MPDZ: variants seen among roughly 807,000 people sequenced by gnomAD.
MPDZ encodes the protein multiple PDZ domain crumbs cell polarity complex component, also known as multiple PDZ domain protein.
A neutral mutation model predicts 239.1 loss-of-function variants in MPDZ; 234 were observed. The ratio of observed to expected loss-of-function variants is 0.98; its 90% CI spans 0.88 to 1.09. The LOEUF is 1.09. MPDZ is among the 50% of genes least tolerant of loss of function. The probability of loss-of-function intolerance (pLI) is 0.00; values close to 1 mark genes in which losing one functional copy is unlikely to be tolerated. For synonymous variants in MPDZ, 1,048 were observed against 881.3 expected (o/e 1.19, Z -3.35); for missense variants, 3,175 against 2,510.0 (o/e 1.26, Z -5.66).
At position 13,224,508 on chromosome 9, in the gene MPDZ, T is replaced by C. The variant is rs749077781; in HGVS notation, c.259A>G (p.Thr87Ala). ...AATAAAAACGATTCATTTTGCAGAG[T>C]AGGAATCACAGCTGGGCTGAGATGA... ...VPHLSPAVIP[T>A]LQNESFLLSP... is the part of the protein sequence containing the mutation. Residue 87 changes from threonine to alanine, a missense_variant, in exon 4 of 47, where the codon ACT becomes GCT. By Grantham distance (58) the Thr-to-Ala change is moderately conservative. Coordinates refer to ENST00000319217, the MANE Select transcript of MPDZ (RefSeq NM_001378778.1). 2.5e-6 allele frequency: 4 copies of C among 1,612,774 alleles called. No individual in the cohort carries two copies. The highest frequency in any genetic ancestry group is 1.7e-5 in the Admixed American group (1 of 59,826).
At chr9:13,114,485 T>C (rs953921400) in intron 40 of MPDZ, among the ~76,000 whole-genome samples, 1 of 152,218 alleles carries the variant, frequency 6.6e-6, no homozygotes, top group African/African-American at 2.4e-5. Context: ...CAAGAGGTCT[T>C]GTCAAGAGTC....
chr9:13,156,468 T>C (rs1461988645), intron 24 of MPDZ, among the ~76,000 whole-genome samples: 1 of 152,190 alleles, frequency 6.6e-6, no homozygotes, highest in Admixed American at 6.6e-5. Context: ...ACATCTTATG[T>C]GGATGGCAGC....
At chr9:13,217,930 T>C (rs1034177460) in intron 8 of MPDZ, among the ~76,000 whole-genome samples, 3 of 151,858 alleles carry the variant, frequency 2.0e-5, no homozygotes, top group Non-Finnish European at 4.4e-5. Flanking sequence ...ACAAATTCTA[T>C]GTTGGACTGA....
intron 34 of MPDZ, among the ~76,000 whole-genome samples, chr9:13,126,144 G>T (rs1184604964): frequency 1.3e-5 from 2 of 152,176 alleles, no homozygotes; most frequent in African/African-American, 2.4e-5. Context: ...GTATTTAATG[G>T]TTGAGTCTTA....
chr9:13,151,089 AG>A (rs1366224600), intron 24 of MPDZ, among the ~76,000 whole-genome samples: 2 of 152,070 alleles, frequency 1.3e-5, no homozygotes, highest in African/African-American at 4.8e-5. Context: ...ACAAATCAAA[AG>A]CACAGTAAGA....
intron 24 of MPDZ, among the ~76,000 whole-genome samples, chr9:13,155,350 T>C (rs1040284695): frequency 1.3e-5 from 2 of 152,184 alleles, no homozygotes; most frequent in African/African-American, 4.8e-5. Flanking sequence ...TAAATTTTCA[T>C]GTGTAAGTAT....
intron 3 of MPDZ, among the ~76,000 whole-genome samples, chr9:13,244,151 G>A (rs1456677237): frequency 3.3e-5 from 5 of 152,118 alleles, no homozygotes; most frequent in Non-Finnish European, 5.9e-5. Context: ...AGTGCCACTG[G>A]TCAATTCTTA....
At chr9:13,257,252 C>T (rs78608331) in intron 1 of MPDZ, among the ~76,000 whole-genome samples, 2,473 of 152,260 alleles carry the variant, frequency 0.016, 30 homozygotes, top group Middle Eastern at 0.031. Context: ...AGTTTATACA[C>T]GTTCCATCAT....
chr9:13,137,417 G>A (rs112838119), intron 29 of MPDZ, among the ~76,000 whole-genome samples: 14 of 152,292 alleles, frequency 9.2e-5, no homozygotes, highest in African/African-American at 1.9e-4. Context: ...ATAAAATCAT[G>A]TGGATCCCAG....
intron 19 of MPDZ, among the ~76,000 whole-genome samples, chr9:13,180,954 T>C (rs10960965): frequency 0.083 from 12,625 of 152,220 alleles, 933 homozygotes; most frequent in African/African-American, 0.2. Context: ...CTTTGGTGTT[T>C]AGGCTGCCCT....
At chr9:13,125,593 T>C (rs975964904) in intron 34 of MPDZ, among the ~76,000 whole-genome samples, 1 of 152,132 alleles carries the variant, frequency 6.6e-6, no homozygotes, top group African/African-American at 2.4e-5. Flanking sequence ...TGATGTAGAT[T>C]AGGGCCATGG....
At chr9:13,188,554 A>G (rs1345056992) in intron 17 of MPDZ, among the ~76,000 whole-genome samples, 1 of 152,040 alleles carries the variant, frequency 6.6e-6, no homozygotes, top group African/African-American at 2.4e-5. Flanking sequence ...AAGTGAACCA[A>G]AGACCAGTAA....
intron 31 of MPDZ, 66 bp from the exon 32 acceptor site, chr9:13,133,970 T>TG: frequency 1.4e-6 from 1 of 730,060 alleles, no homozygotes; most frequent in South Asian, 4.1e-5. Flanking sequence ...TGTTTAAATA[T>TG]AAAGGCCACT....
chr9:13,183,045 T>C (rs1265350995), intron 19 of MPDZ, among the ~76,000 whole-genome samples: 5 of 152,158 alleles, frequency 3.3e-5, no homozygotes, highest in Admixed American at 2.6e-4. Context: ...CAACTTTGCA[T>C]AGAAGTCAGT....
At position 13,173,468 on chromosome 9, in the gene MPDZ, G is replaced by T. The variant is rs769474928; in HGVS notation, c.3055+2284C>A. 4.0e-4 allele frequency among the ~76,000 whole-genome samples: 60 copies of T among 151,856 alleles called. 1 individual carries two copies. Among genetic ancestry groups the T allele is most frequent in the Non-Finnish European group, 3.7e-4 (25 of 67,952 alleles). On this transcript the variant is annotated intron_variant, in intron 21 of 46. Coordinates refer to ENST00000319217, the MANE Select transcript of MPDZ (RefSeq NM_001378778.1). ...CTGTAATCCTAGCACTTTGGGAGGC[G>T]GAGATGGGTGGATTGCCTGAGCTCA...
At chr9:13,257,119 C>T (rs1310637272) in intron 1 of MPDZ, among the ~76,000 whole-genome samples, 1 of 152,172 alleles carries the variant, frequency 6.6e-6, no homozygotes, top group Admixed American at 6.5e-5. Flanking sequence ...GGCCATATCA[C>T]TATTTGGTTA....
rs1944028366 is a variant in MPDZ, at chr9:13,119,622, G to A, written c.5259C>T (p.Asp1753=). ...KRNDTGVFVS[D]IVKGGIADAD... ...CATCTGCAATTCCTCCTTTGACAAT[G>A]TCTGACACAAATACTCCAGTATCGT... is the stretch of plus-strand genomic sequence containing the variant. Residue 1753 remains aspartate (D), a synonymous_variant, in exon 39 of 47, where the codon GAC becomes GAT. Transcript: ENST00000319217. The A allele has an allele frequency of 1.9e-6, 3 of 1,613,914 alleles. No homozygotes were observed. Among genetic ancestry groups the A allele is most frequent in the Non-Finnish European group, 2.5e-6 (3 of 1,179,864 alleles).
intron 32 of MPDZ, among the ~76,000 whole-genome samples, chr9:13,127,096 T>C (rs572158949): frequency 6.6e-6 from 1 of 152,204 alleles, no homozygotes; most frequent in Non-Finnish European, 1.5e-5. Flanking sequence ...ATTTACAAAT[T>C]TTGTCTAATG....
At chr9:13,131,391 T>C (rs1332335988) in intron 32 of MPDZ, among the ~76,000 whole-genome samples, 2 of 152,220 alleles carry the variant, frequency 1.3e-5, no homozygotes, top group African/African-American at 4.8e-5. Context: ...TTTCATTTAA[T>C]CCTTCCAATA....
Sources: gnomAD v4.1 joint callset for allele counts (sites outside exome capture counted in the v4.1 genomes callset) on GRCh38, gnomAD v4.1.1 for gene constraint, MANE v1.5 for transcripts, NCBI Gene and HGNC (gene_info 2026-07-23, HGNC 2026-07-21) for gene names.